The following STK17A variants were observed in gnomAD, a reference collection of about 807,000 sequenced individuals.
STK17A encodes the protein serine/threonine-protein kinase 17A.
A neutral mutation model predicts 43.7 loss-of-function variants in STK17A; 26 were observed. The observed-to-expected ratio is 0.60, with a 90% CI of 0.44 to 0.83. The LOEUF is 0.83. STK17A is among the 40% of genes least tolerant of loss of function. STK17A has a pLI of 0.00. For synonymous variants in STK17A, 191 were observed against 182.5 expected (o/e 1.05, Z -0.38); for missense variants, 476 against 511.6 (o/e 0.93, Z 0.67).
At chr7:43,602,107 A>C (rs1345936819) in intron 2 of STK17A, among the ~76,000 whole-genome samples, 1 of 152,094 alleles carries the variant, frequency 6.6e-6, no homozygotes, top group Non-Finnish European at 1.5e-5. Flanking sequence ...AGATTCAGCT[A>C]ATTATTTCCA....
intron 3 of STK17A, among the ~76,000 whole-genome samples, chr7:43,612,369 T>C (rs1192107836): frequency 2.0e-5 from 3 of 152,250 alleles, no homozygotes; most frequent in Admixed American, 6.5e-5. Flanking sequence ...TCATTTCCAA[T>C]TGGCCTCTGT....
At position 43,623,824 on chromosome 7, in the gene STK17A, G is replaced by C. The variant is rs3779062; in HGVS notation, c.856G>C (p.Glu286Gln). The change falls in exon 6 of 7, where the codon GAA (glutamate) becomes CAA (glutamine). Residue 286 changes from glutamate (E) to glutamine (Q), a missense_variant. Physicochemically the swap from Glu to Gln is conservative, Grantham distance 29 (BLOSUM62 2). Coordinates refer to ENST00000319357, the MANE Select transcript of STK17A (RefSeq NM_004760.3). Reference protein sequence around the residue: ...SQMNLSYSEEEFDVLSESAVD... With the variant: ...SQMNLSYSEEQFDVLSESAVD... Reference sequence around the variant, plus strand: ...GATGAATTTAAGTTATTCTGAGGAAGAATTTGATGTTTTGTCTGAGTCGGC... The same window carrying C: ...GATGAATTTAAGTTATTCTGAGGAACAATTTGATGTTTTGTCTGAGTCGGC... The C allele has an allele frequency of 1.3e-3, 2,004 of 1,601,890 alleles. 36 individuals are homozygous for C. The East Asian group carries it at 0.041, about 32-fold the overall frequency.
chr7:43,614,331 T>C (rs1203066962), intron 3 of STK17A, among the ~76,000 whole-genome samples: 2 of 152,230 alleles, frequency 1.3e-5, no homozygotes, highest in Non-Finnish European at 2.9e-5. Context: ...ACCTTGCTTC[T>C]TTCTCTCCCT....
Position 43,583,313 on chromosome 7 carries a change from G to C in STK17A, c.70G>C (p.Gly24Arg), listed in dbSNP as rs1160539162. The change falls in exon 1 of 7, where the codon GGC becomes CGC. Residue 24 changes from glycine to arginine, a missense_variant. By Grantham distance (125) the Gly-to-Arg change is moderately radical. Coordinates refer to ENST00000319357, the MANE Select transcript of STK17A (RefSeq NM_004760.3). Reference sequence around the variant, plus strand: ...CGCCACCTCAGGCTCGGGCCGGGCAGGCCGGGGTCTGAGCGGGCCGTGCCG... The same window carrying C: ...CGCCACCTCAGGCTCGGGCCGGGCACGCCGGGGTCTGAGCGGGCCGTGCCG... ...PGATSGSGRA[G>R]RGLSGPCRPP... 6.6e-7 allele frequency: 1 copy of C among 1,508,828 alleles called. No homozygotes were observed. Among genetic ancestry groups the C allele is most frequent in the Non-Finnish European group, 8.8e-7 (1 of 1,130,538 alleles). 93.5% of individuals were successfully genotyped at this position (1,508,828 alleles called of 1,614,324 possible).
At position 43,608,265 on chromosome 7, in the gene STK17A, G is replaced by C; in HGVS notation, c.429G>C (p.Gly143=). The stretch of plus-strand genomic sequence containing the variant: ...TTTTGCCCTTCTCTAGTGCTGCTGG[G>C]GGTGAAATCTTTGACCAGTGTGTTG... ...EMILVLEYAA[G]GEIFDQCVAD... Residue 143 remains glycine (G), a synonymous_variant, in exon 3 of 7, where the codon GGG becomes GGC. Transcript: ENST00000319357. 6.2e-7 allele frequency: 1 copy of C among 1,612,196 alleles called. No homozygotes were observed. Among genetic ancestry groups the C allele is most frequent in the East Asian group, 2.2e-5 (1 of 44,860 alleles).
At chr7:43,598,885 C>T (rs542636640) in intron 2 of STK17A, among the ~76,000 whole-genome samples, 1 of 152,052 alleles carries the variant, frequency 6.6e-6, no homozygotes, top group Admixed American at 6.5e-5. Context: ...GTGTCAGCCT[C>T]CTCAGTAGCT....
intron 2 of STK17A, among the ~76,000 whole-genome samples, chr7:43,596,867 C>CAAAAA (rs34131847): frequency 1.9e-5 from 2 of 106,602 alleles, no homozygotes; most frequent in Non-Finnish European, 3.7e-5. Flanking sequence ...GACTCCATCT[C>CAAAAA]AAAAAAAAAA....
chr7:43,614,148 G>T (rs2083129716), intron 3 of STK17A, among the ~76,000 whole-genome samples: 1 of 152,108 alleles, frequency 6.6e-6, no homozygotes, highest in African/African-American at 2.4e-5. Context: ...ACTTTACAAT[G>T]ATCTTAGCCG....
intron 1 of STK17A, among the ~76,000 whole-genome samples, chr7:43,586,072 A>G (rs1016394130): frequency 2.6e-5 from 4 of 151,650 alleles, no homozygotes; most frequent in Non-Finnish European, 4.4e-5. Flanking sequence ...TATTTTTCCA[A>G]CAATTAACTC....
At chr7:43,585,392 C>T (rs1329436050) in intron 1 of STK17A, among the ~76,000 whole-genome samples, 1 of 148,642 alleles carries the variant, frequency 6.7e-6, no homozygotes. Flanking sequence ...TTTCTTTCAA[C>T]TTTTGTTTTA....
intron 2 of STK17A, among the ~76,000 whole-genome samples, chr7:43,596,963 G>A (rs1331793600): frequency 6.6e-6 from 1 of 150,956 alleles, no homozygotes; most frequent in South Asian, 2.1e-4. Context: ...AGGAGTTTGA[G>A]ATCAGCCTAA....
intron 2 of STK17A, among the ~76,000 whole-genome samples, chr7:43,598,425 G>A (rs1182082605): frequency 8.1e-5 from 12 of 148,780 alleles, no homozygotes; most frequent in Admixed American, 2.0e-4. Context: ...AGCACAGATC[G>A]TGCCACTGCA....
intron 1 of STK17A, among the ~76,000 whole-genome samples, chr7:43,586,951 T>G (rs941000652): frequency 7.9e-5 from 12 of 151,248 alleles, no homozygotes; most frequent in African/African-American, 2.9e-4. Context: ...ACCACAAGCC[T>G]GTTTGGAAAG....
At chr7:43,590,910 A>G (rs374589179) in intron 1 of STK17A, among the ~76,000 whole-genome samples, 3 of 151,528 alleles carry the variant, frequency 2.0e-5, no homozygotes, top group Admixed American at 2.0e-4. Context: ...AACTCTGTCA[A>G]TGTAATTCTG....
intron 2 of STK17A, among the ~76,000 whole-genome samples, chr7:43,606,239 TGAATTTGA>T (rs993101218): frequency 3.9e-5 from 6 of 152,330 alleles, no homozygotes; most frequent in Admixed American, 1.3e-4. Flanking sequence ...GATGGTTTGT[TGAATTTGA>T]ATAATGAGAA....
At chr7:43,610,346 C>CAA (rs138859141) in intron 3 of STK17A, among the ~76,000 whole-genome samples, 566 of 40,956 alleles carry the variant, frequency 0.014, 23 homozygotes, top group African/African-American at 0.034. Context: ...GACTCCGTCT[C>CAA]AAAAAAAAAA....
chr7:43,608,151 G>A (rs537219093), intron 2 of STK17A, 105 bp from the exon 3 acceptor site: 9 of 1,107,348 alleles, frequency 8.1e-6, no homozygotes, highest in African/African-American at 1.6e-5. Context: ...TTTAAAAAAG[G>A]TATACAGTTA....
intron 4 of STK17A, chr7:43,622,844 G>C (rs35974484): frequency 0.15 from 22,365 of 152,096 alleles, 2,200 homozygotes; most frequent in Non-Finnish European, 0.21. Flanking sequence ...GGGTCTACAG[G>C]CATGCACCAT....
At chr7:43,610,100 ACTTT>A (rs2082715027) in intron 3 of STK17A, among the ~76,000 whole-genome samples, 1 of 152,156 alleles carries the variant, frequency 6.6e-6, no homozygotes, top group Non-Finnish European at 1.5e-5. Flanking sequence ...TAATCCCAGC[ACTTT>A]GGGAGGCCGA....
Sources: allele counts gnomAD v4.1 joint callset (sites outside exome capture counted in the v4.1 genomes callset), GRCh38; gene constraint gnomAD v4.1.1; transcripts MANE v1.5; gene names NCBI Gene and HGNC (gene_info 2026-07-23, HGNC 2026-07-21).